The following KCNIP3 variants were observed in gnomAD, a reference collection of about 807,000 sequenced individuals.
KCNIP3 encodes calsenilin.
In KCNIP3, 28 loss-of-function variants were observed where a neutral mutation model predicts 35.0. The observed-to-expected ratio is 0.80, with a 90% CI of 0.59 to 1.10. The LOEUF (loss-of-function observed/expected upper bound fraction) is 1.10, where lower values mean the gene tolerates loss of function less well. KCNIP3 is among the 50% of genes least tolerant of loss of function. KCNIP3 has a pLI of 0.00. For missense variants in KCNIP3, 295 were observed against 338.4 expected (o/e 0.87, Z 1.01); for synonymous variants, 134 against 133.8 (o/e 1.00, Z -0.01).
At chr2:95,327,911 A>G (rs1230955971) in intron 2 of KCNIP3, among the ~76,000 whole-genome samples, 1 of 151,634 alleles carries the variant, frequency 6.6e-6, no homozygotes, top group Non-Finnish European at 1.5e-5. Context: ...CACCCCAAAC[A>G]CTCACCCCAA....
chr2:95,329,422 C>A (rs992034236), intron 2 of KCNIP3, among the ~76,000 whole-genome samples: 1 of 152,268 alleles, frequency 6.6e-6, no homozygotes, highest in Non-Finnish European at 1.5e-5. Flanking sequence ...CTGGCATTCG[C>A]TGGGCACTGG....
chr2:95,308,817 C>T (rs1558758388), intron 1 of KCNIP3, among the ~76,000 whole-genome samples: 1 of 152,222 alleles, frequency 6.6e-6, no homozygotes, highest in African/African-American at 2.4e-5. Flanking sequence ...GGCTCTTGCA[C>T]CTGACAGTCC....
chr2:95,343,812 A>G (rs983599065), intron 2 of KCNIP3, among the ~76,000 whole-genome samples: 8 of 152,182 alleles, frequency 5.3e-5, no homozygotes, highest in Non-Finnish European at 1.0e-4. Context: ...TGGAGACAGA[A>G]CTGGATGGCA....
chr2:95,372,588 G>A (rs1009479553), intron 2 of KCNIP3, among the ~76,000 whole-genome samples: 1 of 152,120 alleles, frequency 6.6e-6, no homozygotes, highest in African/African-American at 2.4e-5. Flanking sequence ...AGGTGAGAGG[G>A]ATCGGGACCC....
intron 1 of KCNIP3, among the ~76,000 whole-genome samples, chr2:95,300,081 G>T (rs559567004): frequency 2.4e-4 from 37 of 152,336 alleles, no homozygotes; most frequent in African/African-American, 7.5e-4. Context: ...GGGCTTGGGG[G>T]TTGCGGAAGA....
Position 95,357,557 on chromosome 2 carries a change from C to A in KCNIP3, c.182-16739C>A, listed in dbSNP as rs1192673412. On this transcript the variant is annotated intron_variant, in intron 2 of 8. Coordinates refer to ENST00000295225, the MANE Select transcript of KCNIP3 (RefSeq NM_013434.5). ...GGTTAGGGCTGCTTTCTTCCCTGGT[C>A]CCCACAGGCCTTATGGGGATTAGGC... 7.9e-5 allele frequency among the ~76,000 whole-genome samples: 12 copies of A among 152,238 alleles called. No homozygotes were observed. The East Asian group carries it at 2.1e-3, about 27-fold the overall frequency.
At chr2:95,370,122 T>A (rs1475776100) in intron 2 of KCNIP3, among the ~76,000 whole-genome samples, 1 of 152,178 alleles carries the variant, frequency 6.6e-6, no homozygotes, top group Non-Finnish European at 1.5e-5. Flanking sequence ...ATTCTGCTTA[T>A]CCTTCATCTC....
At chr2:95,369,345 A>G (rs115539248) in intron 2 of KCNIP3, among the ~76,000 whole-genome samples, 170 of 152,246 alleles carry the variant, frequency 1.1e-3, no homozygotes, top group African/African-American at 4.0e-3. Flanking sequence ...TTATTCATCA[A>G]AGGATTCAAT....
In KCNIP3 at chr2:95,320,069, C is replaced by A. The variant is rs530567603; in HGVS notation, c.181+9549C>A. Among the ~76,000 whole-genome samples the A allele has an allele frequency of 2.0e-5, 3 of 152,318 alleles. No homozygotes were observed. In the East Asian group the frequency reaches 5.8e-4, roughly 30 times the overall value. On this transcript the variant is annotated intron_variant, in intron 2 of 8. Transcript: ENST00000295225. Reference sequence around the variant, plus strand: ...GCGATGCCGGTTCTGGGATTCTCAGCCAGCCAGGGAGGTGCTCTCTGGGAG... The same window carrying A: ...GCGATGCCGGTTCTGGGATTCTCAGACAGCCAGGGAGGTGCTCTCTGGGAG...
intron 2 of KCNIP3, among the ~76,000 whole-genome samples, chr2:95,350,131 G>A (rs1372703610): frequency 1.3e-5 from 2 of 152,216 alleles, no homozygotes; most frequent in African/African-American, 4.8e-5. Context: ...GCTCTCCCTG[G>A]AGCCTTGCTG....
chr2:95,331,192 G>A (rs553178875), intron 2 of KCNIP3, among the ~76,000 whole-genome samples: 1 of 152,292 alleles, frequency 6.6e-6, no homozygotes, highest in South Asian at 2.1e-4. Context: ...GCGGAGGCGG[G>A]AGGGAGCAGC....
intron 2 of KCNIP3, among the ~76,000 whole-genome samples, chr2:95,359,327 G>A (rs1345796646): frequency 6.6e-6 from 1 of 152,206 alleles, no homozygotes; most frequent in African/African-American, 2.4e-5. Flanking sequence ...AGACAGTTGT[G>A]GGATAGACAT....
chr2:95,346,629 G>C (rs1177702980), intron 2 of KCNIP3: 2 of 144,810 alleles, frequency 1.4e-5, no homozygotes, highest in African/African-American at 5.0e-5. Flanking sequence ...CCCGCGCCCC[G>C]GCGCCCGCGG....
In KCNIP3 at chr2:95,310,444, G is replaced by A. The variant is rs377150082; in HGVS notation, c.105G>A (p.Pro35=). 5.8e-5 allele frequency: 94 copies of A among 1,613,874 alleles called. No homozygotes were observed. The highest frequency in any genetic ancestry group is 3.3e-4 in the Middle Eastern group (2 of 6,084). The change falls in exon 2 of 9, where the codon CCG becomes CCA. Residue 35 remains proline (P), a synonymous_variant. Transcript: ENST00000295225. ...SKKEGIKWQR[P]RLSRQALMRC... is the part of the protein sequence containing the mutation. Reference sequence around the variant, plus strand: ...AGGAGGGTATCAAGTGGCAGAGGCCGAGGCTCAGCCGCCAGGCTTTGATGA... The same window carrying A: ...AGGAGGGTATCAAGTGGCAGAGGCCAAGGCTCAGCCGCCAGGCTTTGATGA...
chr2:95,347,155 C>G, intron 2 of KCNIP3: 2 of 1,556,570 alleles, frequency 1.3e-6, no homozygotes, highest in African/African-American at 2.7e-5. Flanking sequence ...TTCGCCGCCT[C>G]CGCCGCAGAC....
chr2:95,353,568 G>A (rs1421588602), intron 2 of KCNIP3, among the ~76,000 whole-genome samples: 1 of 152,182 alleles, frequency 6.6e-6, no homozygotes, highest in Non-Finnish European at 1.5e-5. Flanking sequence ...TGTAGAATGG[G>A]GATAATAATA....
chr2:95,324,706 T>A (rs1030651881), intron 2 of KCNIP3, among the ~76,000 whole-genome samples: 21 of 150,260 alleles, frequency 1.4e-4, no homozygotes, highest in South Asian at 4.2e-4. Flanking sequence ...AGGTCAGGAG[T>A]TCGAGACCAG....
intron 2 of KCNIP3, among the ~76,000 whole-genome samples, chr2:95,371,110 C>T (rs1291574474): frequency 6.6e-6 from 1 of 152,162 alleles, no homozygotes; most frequent in East Asian, 1.9e-4. Context: ...GTTCTTTCTT[C>T]TATTTACTTT....
At chr2:95,375,244 C>T (rs781589918) in intron 5 of KCNIP3, 36 bp downstream of exon 5, 16 of 1,578,778 alleles carry the variant, frequency 1.0e-5, no homozygotes, top group African/African-American at 1.3e-5. Flanking sequence ...GTGTCCTGCC[C>T]CTGTGGTTGC....
Sources: allele counts gnomAD v4.1 joint callset (sites outside exome capture counted in the v4.1 genomes callset), GRCh38; gene constraint gnomAD v4.1.1; transcripts MANE v1.5; gene names NCBI Gene and HGNC (gene_info 2026-07-23, HGNC 2026-07-21).